ACSM6: variants seen among roughly 807,000 people sequenced by gnomAD.
The protein encoded by ACSM6 is acyl-coenzyme A synthetase ACSM6, mitochondrial.
A neutral mutation model predicts 51.1 loss-of-function variants in ACSM6; 35 were observed. That is an observed-to-expected ratio of 0.69 (90% CI 0.52 to 0.91). ACSM6 has a LOEUF of 0.91. ACSM6 is among the 40% of genes least tolerant of loss of function. The probability of loss-of-function intolerance (pLI) is 0.00; values close to 1 mark genes in which losing one functional copy is unlikely to be tolerated. For synonymous variants in ACSM6, 172 were observed against 207.3 expected (o/e 0.83, Z 1.46); for missense variants, 509 against 584.1 (o/e 0.87, Z 1.32).
At chr10:95,210,085 T>C (rs529666000) in intron 4 of ACSM6, among the ~76,000 whole-genome samples, 4 of 152,348 alleles carry the variant, frequency 2.6e-5, no homozygotes, top group South Asian at 4.1e-4. Context: ...ATTTTGTTTA[T>C]CATGGATTTT....
chr10:95,208,645 T>A (rs917271556), intron 4 of ACSM6, among the ~76,000 whole-genome samples: 1 of 152,120 alleles, frequency 6.6e-6, no homozygotes, highest in Non-Finnish European at 1.5e-5. Context: ...AATAGGTGAG[T>A]ACAGAGATCA....
chr10:95,210,288 G>T (rs1365885189), intron 4 of ACSM6, among the ~76,000 whole-genome samples: 1 of 152,086 alleles, frequency 6.6e-6, no homozygotes, highest in Non-Finnish European at 1.5e-5. Context: ...GAGTTGTCAG[G>T]GCTTGGCAAT....
At chr10:95,196,172 G>A (rs2034723127) in intron 2 of ACSM6, among the ~76,000 whole-genome samples, 1 of 152,230 alleles carries the variant, frequency 6.6e-6, no homozygotes, top group African/African-American at 2.4e-5. Flanking sequence ...CTGGCACCAT[G>A]CAGAGCCTTG....
At chr10:95,225,136 C>T (rs2035026146) in intron 9 of ACSM6, among the ~76,000 whole-genome samples, 154 bp from the exon 10 acceptor site, 1 of 152,180 alleles carries the variant, frequency 6.6e-6, no homozygotes, top group Non-Finnish European at 1.5e-5. Flanking sequence ...AACCACACTG[C>T]CTCTTAGGTT....
chr10:95,213,911 G>A lies in ACSM6; in HGVS notation c.996-941G>A, dbSNP rs145744391. ...TTAAATTATGTTGACATGAAGGAACGCCTAGTTCATTGGCATTTTGTGGAG... is the reference window on the plus strand; with the variant it reads ...TTAAATTATGTTGACATGAAGGAACACCTAGTTCATTGGCATTTTGTGGAG... On this transcript the variant is annotated intron_variant, in intron 7 of 10. Transcript: ENST00000341686. Among the ~76,000 whole-genome samples, 719 of 152,108 alleles carry A rather than the reference G, an allele frequency of 4.7e-3. 2 individuals are homozygous for A. Among genetic ancestry groups the A allele is most frequent in the Admixed American group, 7.1e-3 (109 of 15,276 alleles).
rs140212264 is a variant in ACSM6, at chr10:95,205,763, G to A, written c.404-1445G>A. Among the ~76,000 whole-genome samples, 17 of 152,262 alleles carry A rather than the reference G, an allele frequency of 1.1e-4. No individual in the cohort carries two copies. The East Asian group carries it at 3.3e-3, about 29-fold the overall frequency. ...TTCAAATGCTTCATCTAAGGGTGGG[G>A]GCACTTGAAAGTGTTTGCAGTTATC... On this transcript the variant is annotated intron_variant, in intron 3 of 10. Coordinates refer to ENST00000341686, the Ensembl canonical transcript of ACSM6.
intron 5 of ACSM6, 43 bp downstream of exon 5, chr10:95,210,836 CT>C: frequency 6.3e-7 from 1 of 1,583,508 alleles, no homozygotes; most frequent in East Asian, 2.2e-5. Context: ...AAGTTGTTCT[CT>C]TGCAGGTAAA....
intron 10 of ACSM6, among the ~76,000 whole-genome samples, chr10:95,227,982 AAT>A (rs2035056958): frequency 6.6e-6 from 1 of 152,114 alleles, no homozygotes; most frequent in Non-Finnish European, 1.5e-5. Context: ...GAGACACGAG[AAT>A]CACTTGAACC....
chr10:95,215,731 G>C (rs1353041264), intron 8 of ACSM6, among the ~76,000 whole-genome samples: 1 of 152,214 alleles, frequency 6.6e-6, no homozygotes, highest in African/African-American at 2.4e-5. Context: ...ATCATAGATT[G>C]AGTGGCTTAA....
At chr10:95,213,124 C>T (rs1271046290) in intron 7 of ACSM6, among the ~76,000 whole-genome samples, 184 bp downstream of exon 7, 1 of 152,132 alleles carries the variant, frequency 6.6e-6, no homozygotes, top group African/African-American at 2.4e-5. Context: ...ACTTGAAATC[C>T]ATATCTTGAC....
intron 9 of ACSM6, among the ~76,000 whole-genome samples, chr10:95,220,714 T>A (rs1012276097): frequency 1.3e-5 from 2 of 152,162 alleles, no homozygotes; most frequent in South Asian, 4.1e-4. Flanking sequence ...AGAGTTCTAT[T>A]TTTTGTTTTT....
At chr10:95,211,315 T>A (rs966970079) in intron 5 of ACSM6, among the ~76,000 whole-genome samples, 1 of 152,236 alleles carries the variant, frequency 6.6e-6, no homozygotes, top group African/African-American at 2.4e-5. Flanking sequence ...TGGTTGAACA[T>A]GCAATGAAGT....
intron 3 of ACSM6, among the ~76,000 whole-genome samples, chr10:95,204,022 G>T (rs1230032735): frequency 1.3e-5 from 2 of 152,120 alleles, no homozygotes; most frequent in Non-Finnish European, 2.9e-5. Flanking sequence ...CCAATGGACT[G>T]AGTTATCCTG....
intron 2 of ACSM6, among the ~76,000 whole-genome samples, chr10:95,195,641 G>A (rs2034717441): frequency 6.6e-6 from 1 of 152,170 alleles, no homozygotes; most frequent in Non-Finnish European, 1.5e-5. Context: ...AGAGTGAGCA[G>A]CGAGAGTTAT....
chr10:95,216,809 G>C (rs971499332), intron 8 of ACSM6, among the ~76,000 whole-genome samples: 4 of 152,188 alleles, frequency 2.6e-5, no homozygotes, highest in Admixed American at 6.5e-5. Context: ...GGATATAGAT[G>C]TGGATGTAGA....
intron 3 of ACSM6, among the ~76,000 whole-genome samples, chr10:95,203,821 C>CCTA: frequency 6.7e-6 from 1 of 148,358 alleles, no homozygotes; most frequent in East Asian, 2.0e-4. Flanking sequence ...CCACAACTGG[C>CCTA]CTACTGCCTT....
At chr10:95,227,904 C>T (rs1005649920) in intron 10 of ACSM6, among the ~76,000 whole-genome samples, 2 of 152,052 alleles carry the variant, frequency 1.3e-5, no homozygotes, top group African/African-American at 4.8e-5. Flanking sequence ...CCCATCTCTA[C>T]TAAAAATACA....
Position 95,221,081 on chromosome 10 carries a change from T to A in ACSM6, c.1200+1110T>A, listed in dbSNP as rs977593315. Among the ~76,000 whole-genome samples, 3 of 151,896 alleles carry A rather than the reference T, an allele frequency of 2.0e-5. No homozygotes were observed. The East Asian group carries it at 5.8e-4, about 29-fold the overall frequency. On this transcript the variant is annotated intron_variant, in intron 9 of 10. Coordinates refer to ENST00000341686, the Ensembl canonical transcript of ACSM6. ...AAAATGTTCCTTGCATACTAAAGTA[T>A]AAACAAAAATGAAATAAATGAAATT...
At chr10:95,225,567 A>C in intron 10 of ACSM6, 176 bp downstream of exon 10, 1 of 469,710 alleles carries the variant, frequency 2.1e-6, no homozygotes, top group Non-Finnish European at 3.7e-6. Context: ...CTTCTTATTA[A>C]GATTTTGCCC....
Sources: gnomAD v4.1 joint callset for allele counts (sites outside exome capture counted in the v4.1 genomes callset) on GRCh38, gnomAD v4.1.1 for gene constraint, MANE v1.5 for transcripts, NCBI Gene and HGNC (gene_info 2026-07-23, HGNC 2026-07-21) for gene names.